Variants in MAP2K3 observed in about 807,000 individuals in gnomAD.
MAP2K3 encodes the protein dual specificity mitogen-activated protein kinase kinase 3.
In MAP2K3, 30 loss-of-function variants were observed where a neutral mutation model predicts 46.4. The ratio of observed to expected loss-of-function variants is 0.65; its 90% CI spans 0.48 to 0.88. The LOEUF (loss-of-function observed/expected upper bound fraction) is 0.88. Among genes scored for constraint, MAP2K3 ranks in the 40% least tolerant of loss-of-function variants. MAP2K3 has a pLI of 0.00. For missense variants in MAP2K3, 380 were observed against 464.5 expected (o/e 0.82, Z 1.67); for synonymous variants, 189 against 176.3 (o/e 1.07, Z -0.57).
rs924042908 is a variant in MAP2K3 at position 21,284,813 on chromosome 17, C to T, written c.-108C>T. On this transcript the variant is annotated 5_prime_UTR_variant, in exon 1 of 12. Transcript: ENST00000342679. ...GCCGCCGCCGCCGCCGCCGCTGCTC[C>T]TCCGCCTGGCCTGGGCCGTCTGCCC... is the stretch of plus-strand genomic sequence containing the variant. 6.2e-6 allele frequency: 8 copies of T among 1,293,196 alleles called. No individual in the cohort carries two copies. Among genetic ancestry groups the T allele is most frequent in the African/African-American group, 1.6e-5 (1 of 63,534 alleles). 80.1% of individuals were successfully genotyped at this position (1,293,196 alleles called of 1,614,324 possible). A position where few individuals can be genotyped will look rare whatever the true frequency, so the allele number is the denominator to read the frequency against.
At chr17:21,307,297 C>T (rs950958235) in intron 9 of MAP2K3, among the ~76,000 whole-genome samples, 1 of 152,306 alleles carries the variant, frequency 6.6e-6, no homozygotes, top group Non-Finnish European at 1.5e-5. Flanking sequence ...CAGGAAATTC[C>T]AAGGGTTTTA....
intron 3 of MAP2K3, 90 bp downstream of exon 3, chr17:21,299,016 G>A (rs1194481200): frequency 4.8e-5 from 76 of 1,576,508 alleles, no homozygotes; most frequent in Non-Finnish European, 6.2e-5. Flanking sequence ...GGGGGGAGGT[G>A]ACTGAGGGGT....
chr17:21,285,021 C>T (rs929897938), intron 1 of MAP2K3, 52 bp downstream of exon 1: 16 of 1,577,502 alleles, frequency 1.0e-5, no homozygotes, highest in Non-Finnish European at 1.2e-5. Context: ...AATCTGGGGC[C>T]GGGCTGCAAA....
chr17:21,301,302 G>A (rs1976587128), intron 5 of MAP2K3, among the ~76,000 whole-genome samples: 1 of 152,310 alleles, frequency 6.6e-6, no homozygotes, highest in African/African-American at 2.4e-5. Flanking sequence ...GGCATACAGG[G>A]CGTGGGAATG....
intron 1 of MAP2K3, among the ~76,000 whole-genome samples, chr17:21,286,594 G>C (rs1219121525): frequency 5.3e-5 from 8 of 152,366 alleles, no homozygotes. Context: ...ACCTCGTGGA[G>C]CTTGGGAACC....
intron 1 of MAP2K3, among the ~76,000 whole-genome samples, chr17:21,294,261 A>G (rs1976113955): frequency 6.6e-6 from 1 of 151,854 alleles, no homozygotes; most frequent in Non-Finnish European, 1.5e-5. Flanking sequence ...CAGGCCCAGA[A>G]CTTCTGCAGT....
chr17:21,288,867 C>T (rs559001744), intron 1 of MAP2K3, among the ~76,000 whole-genome samples: 6 of 152,356 alleles, frequency 3.9e-5, no homozygotes, highest in Admixed American at 6.5e-5. Flanking sequence ...GCCCTGGGTT[C>T]GAATCCTGGC....
At chr17:21,312,887 C>A (rs1046847675) in intron 10 of MAP2K3, among the ~76,000 whole-genome samples, 21 of 150,602 alleles carry the variant, frequency 1.4e-4, no homozygotes, top group Admixed American at 2.6e-4. Flanking sequence ...TGCCACTGCA[C>A]TCCAGCATGG....
intron 1 of MAP2K3, among the ~76,000 whole-genome samples, chr17:21,298,118 TG>T (rs1976364860): frequency 6.6e-6 from 1 of 152,310 alleles, no homozygotes; most frequent in Admixed American, 6.5e-5. Flanking sequence ...ACCTCACAGA[TG>T]GGGAAACTGA....
intron 9 of MAP2K3, among the ~76,000 whole-genome samples, chr17:21,308,556 G>A (rs948584844): frequency 6.6e-6 from 1 of 152,278 alleles, no homozygotes; most frequent in Non-Finnish European, 1.5e-5. Flanking sequence ...AGGTGGGACT[G>A]GGCCATACCT....
Position 21,284,988 on chromosome 17 carries a change from G to C in MAP2K3, c.49+19G>C. 6.2e-7 allele frequency: 1 copy of C among 1,604,454 alleles called. No homozygotes were observed. Among genetic ancestry groups the C allele is most frequent in the African/African-American group, 1.3e-5 (1 of 74,934 alleles). On this transcript the variant is annotated intron_variant, in intron 1 of 11. Transcript: ENST00000342679. ...TCCAAAGGTAGGCGCTCCCGGCCGGGACCTCGGCCTGACCCCGCGCCTAAT... is the reference window on the plus strand; with the variant it reads ...TCCAAAGGTAGGCGCTCCCGGCCGGCACCTCGGCCTGACCCCGCGCCTAAT...
chr17:21,311,883 T>A lies in MAP2K3; in HGVS notation c.775-259T>A, dbSNP rs528496741. 891 of 399,976 alleles carry A rather than the reference T, an allele frequency of 2.2e-3. 3 individuals carry two copies. Among genetic ancestry groups the A allele is most frequent in the African/African-American group, 0.015 (711 of 48,024 alleles). The allele number at this position is 399,976 out of a possible 1,614,324, so 24.8% of individuals were successfully genotyped here. A position where few individuals can be genotyped will look rare whatever the true frequency, so the allele number is the denominator to read the frequency against. ...CAGAATTCAGGTTTTCTGAAAACCC[T>A]ATGATGGTCCCACCAGTCCCGGTGT... On this transcript the variant is annotated intron_variant, in intron 9 of 11. Transcript: ENST00000342679.
chr17:21,304,526 G>A lies in MAP2K3; in HGVS notation c.669G>A (p.Met223Ile), dbSNP rs139594289. The A allele has an allele frequency of 6.2e-7, 1 of 1,612,832 alleles. No homozygotes were observed. The highest frequency in any genetic ancestry group is 1.1e-5 in the South Asian group (1 of 91,062). Residue 223 changes from methionine (M) to isoleucine (I), a missense_variant, in exon 8 of 12, where the codon ATG becomes ATA. Around this residue, in one of 5 missense-constraint regions of MAP2K3, gnomAD observed 13 missense variants for 32.7 expected, o/e 0.40. Coordinates refer to ENST00000342679, the MANE Select transcript of MAP2K3 (RefSeq NM_145109.3). ...GYLVDSVAKTMDAGCKPYMAP... is the reference protein window; with the variant it reads ...GYLVDSVAKTIDAGCKPYMAP... ...TGGTGGACTCTGTGGCCAAGACGATGGATGCCGGCTGCAAGCCCTACATGG... is the reference window on the plus strand; with the variant it reads ...TGGTGGACTCTGTGGCCAAGACGATAGATGCCGGCTGCAAGCCCTACATGG...
At position 21,289,078 on chromosome 17, in the gene MAP2K3, C is replaced by T. The variant is rs191462251; in HGVS notation, c.49+4109C>T. 5.3e-5 allele frequency among the ~76,000 whole-genome samples: 8 copies of T among 152,368 alleles called. No individual in the cohort carries two copies. The East Asian group carries it at 1.5e-3, about 29-fold the overall frequency. On this transcript the variant is annotated intron_variant, in intron 1 of 11. Transcript: ENST00000342679. ...TCATTGGTAGGTGGATAAACAGTAG[C>T]AGGGCTTCGTGACAATGTGCTCGTA...
chr17:21,309,677 G>A (rs1977070980), intron 9 of MAP2K3, among the ~76,000 whole-genome samples: 2 of 152,050 alleles, frequency 1.3e-5, no homozygotes, highest in Admixed American at 6.5e-5. Flanking sequence ...GCGGTGGTGC[G>A]ATCTCGGCTT....
chr17:21,307,996 T>A (rs1976982652), intron 9 of MAP2K3, among the ~76,000 whole-genome samples: 4 of 151,860 alleles, frequency 2.6e-5, no homozygotes, highest in Non-Finnish European at 5.9e-5. Context: ...GCTGGGATTA[T>A]AGGCGTGAGC....
chr17:21,285,130 C>A, intron 1 of MAP2K3, 161 bp downstream of exon 1: 1 of 842,588 alleles, frequency 1.2e-6, no homozygotes, highest in Non-Finnish European at 1.4e-6. Context: ...GACCAGCCCC[C>A]GCCTGGGCCC....
chr17:21,301,573 A>G (rs1447512916), intron 5 of MAP2K3, among the ~76,000 whole-genome samples: 2 of 152,312 alleles, frequency 1.3e-5, no homozygotes, highest in Non-Finnish European at 2.9e-5. Flanking sequence ...GCCATCGGGC[A>G]AGGTCAGGGC....
At chr17:21,312,117 C>T (rs772025236) in intron 9 of MAP2K3, 25 bp from the exon 10 acceptor site, 4 of 1,503,422 alleles carry the variant, frequency 2.7e-6, no homozygotes, top group Non-Finnish European at 3.5e-6. Context: ...GGGCCGGGGC[C>T]TCTGACCCCC....
Sources: allele counts gnomAD v4.1 joint callset (sites outside exome capture counted in the v4.1 genomes callset), GRCh38; gene constraint gnomAD v4.1.1; regional missense constraint gnomAD v4.1.1; transcripts MANE v1.5; gene names NCBI Gene and HGNC (gene_info 2026-07-23, HGNC 2026-07-21).